Variants in CTNNA3 observed in about 807,000 individuals in gnomAD.
The protein encoded by CTNNA3 is catenin alpha 3.
In CTNNA3, 76 loss-of-function variants were observed where a neutral mutation model predicts 95.7. That is an observed-to-expected ratio of 0.79 (90% CI 0.66 to 0.96). The LOEUF is 0.96. Among genes scored for constraint, CTNNA3 ranks in the 40% least tolerant of loss-of-function variants. The pLI, the probability that CTNNA3 is intolerant of heterozygous loss-of-function variation, is 0.00. For missense variants in CTNNA3, 1,191 were observed against 1,089.8 expected, an observed-to-expected ratio of 1.09 and a Z score of -1.31; for synonymous variants, 431 against 374.4, an observed-to-expected ratio of 1.15 and a Z score of -1.74.
chr10:67,728,579 A>G (rs961497591), intron 1 of CTNNA3, among the ~76,000 whole-genome samples: 2 of 151,672 alleles, frequency 1.3e-5, no homozygotes, highest in African/African-American at 4.8e-5. Context: ...GGTGATGTCA[A>G]TGCTGCTGGT....
At chr10:67,599,312 A>G (rs978289666) in intron 3 of CTNNA3, among the ~76,000 whole-genome samples, 1 of 152,210 alleles carries the variant, frequency 6.6e-6, no homozygotes, top group African/African-American at 2.4e-5. Context: ...CAAGAATCCA[A>G]AATACTTATA....
At chr10:66,981,193 C>G (rs1291246643) in intron 7 of CTNNA3, among the ~76,000 whole-genome samples, 1 of 152,160 alleles carries the variant, frequency 6.6e-6, no homozygotes, top group Admixed American at 6.5e-5. Flanking sequence ...CGTGAGCCAC[C>G]GCGCCCAGCC....
At chr10:66,520,902 C>A in intron 10 of CTNNA3, 129 bp from the exon 11 acceptor site, 3 of 383,888 alleles carry the variant, frequency 7.8e-6, no homozygotes, top group Non-Finnish European at 4.6e-6. Context: ...ACTTATAATT[C>A]CTAAATATAT....
At chr10:66,200,956 T>C (rs1482887061) in intron 13 of CTNNA3, among the ~76,000 whole-genome samples, 5 of 152,172 alleles carry the variant, frequency 3.3e-5, no homozygotes, top group Non-Finnish European at 7.4e-5. Context: ...CCATTGTTAC[T>C]GACACCATGA....
chr10:67,405,002 C>A (rs1589258608), intron 5 of CTNNA3, among the ~76,000 whole-genome samples: 1 of 152,262 alleles, frequency 6.6e-6, no homozygotes, highest in Non-Finnish European at 1.5e-5. Context: ...TTCAGACAAG[C>A]AAATTCTGAG....
At chr10:66,612,075 A>T (rs1844347925) in intron 10 of CTNNA3, among the ~76,000 whole-genome samples, 1 of 152,078 alleles carries the variant, frequency 6.6e-6, no homozygotes, top group South Asian at 2.1e-4. Flanking sequence ...CTTCTAATAT[A>T]ACCACTATTT....
chr10:67,708,260 CT>C (rs1298188927), intron 1 of CTNNA3, among the ~76,000 whole-genome samples: 1 of 152,140 alleles, frequency 6.6e-6, no homozygotes, highest in Non-Finnish European at 1.5e-5. Context: ...TCAATCATGT[CT>C]GCTTTAGTTC....
At chr10:67,736,116 A>G (rs12254422) in intron 1 of CTNNA3, among the ~76,000 whole-genome samples, 18,619 of 152,256 alleles carry the variant, frequency 0.12, 1,275 homozygotes, top group Non-Finnish European at 0.16. Context: ...TAGCCAAAAA[A>G]AGAATTAAAT....
intron 7 of CTNNA3, among the ~76,000 whole-genome samples, chr10:66,888,465 G>T (rs189035241): frequency 9.9e-5 from 15 of 152,074 alleles, no homozygotes; most frequent in Admixed American, 9.2e-4. Flanking sequence ...GTGGTAATTT[G>T]TTATAGCAAC....
intron 9 of CTNNA3, among the ~76,000 whole-genome samples, chr10:66,681,255 C>T (rs1847058227): frequency 6.6e-6 from 1 of 152,154 alleles, no homozygotes; most frequent in African/African-American, 2.4e-5. Flanking sequence ...GGAGTGACTG[C>T]ATATTACCCT....
chr10:67,626,787 ATG>A (rs1031869964), intron 2 of CTNNA3, among the ~76,000 whole-genome samples: 2 of 146,986 alleles, frequency 1.4e-5, no homozygotes, highest in South Asian at 2.1e-4. Flanking sequence ...GTCTACATGT[ATG>A]TGTCTATACA....
chr10:66,027,384 C>A (rs560615969), intron 15 of CTNNA3, among the ~76,000 whole-genome samples: 36 of 152,110 alleles, frequency 2.4e-4, no homozygotes, highest in African/African-American at 8.0e-4. Context: ...AACACTAGGT[C>A]CAAAATGAAG....
chr10:67,167,207 A>C (rs1861809380), intron 7 of CTNNA3, among the ~76,000 whole-genome samples: 2 of 152,218 alleles, frequency 1.3e-5, no homozygotes, highest in Admixed American at 1.3e-4. Context: ...GTCTCTGAGC[A>C]GCTGCAGTCA....
At chr10:66,949,513 G>A (rs749771390) in intron 7 of CTNNA3, among the ~76,000 whole-genome samples, 4 of 151,516 alleles carry the variant, frequency 2.6e-5, no homozygotes, top group African/African-American at 7.3e-5. Flanking sequence ...AGCCAAGATC[G>A]CGCCATTGGA....
chr10:66,809,601 A>G (rs1841794707), intron 7 of CTNNA3, among the ~76,000 whole-genome samples: 1 of 152,136 alleles, frequency 6.6e-6, no homozygotes, highest in South Asian at 2.1e-4. Flanking sequence ...CCATTTACTT[A>G]AGTGATTCAC....
chr10:66,971,000 C>A lies in CTNNA3; in HGVS notation c.1048-195476G>T, dbSNP rs78433839. Among the ~76,000 whole-genome samples the A allele has an allele frequency of 6.9e-3, 1,053 of 152,210 alleles. 15 individuals are homozygous for A. Among genetic ancestry groups the A allele is most frequent in the African/African-American group, 0.021 (875 of 41,498 alleles). On this transcript the variant is annotated intron_variant, in intron 7 of 17. Transcript: ENST00000433211. ...TTTTCTTTCCTTTCTTCTTTTCATGCAAGTTTATTTGCCTTTCTATGAGTA... is the reference window on the plus strand; with the variant it reads ...TTTTCTTTCCTTTCTTCTTTTCATGAAAGTTTATTTGCCTTTCTATGAGTA...
intron 15 of CTNNA3, among the ~76,000 whole-genome samples, chr10:66,060,130 C>A (rs1377507316): frequency 6.6e-6 from 1 of 151,888 alleles, no homozygotes; most frequent in Non-Finnish European, 1.5e-5. Context: ...ATACCTAGAG[C>A]CTGTCTTCTG....
chr10:66,953,053 A>T (rs1848620935), intron 7 of CTNNA3, among the ~76,000 whole-genome samples: 1 of 152,114 alleles, frequency 6.6e-6, no homozygotes. Flanking sequence ...GAGCCTACTG[A>T]GAAACAACTC....
rs1589409415 is a variant in CTNNA3 at position 67,544,749 on chromosome 10, G to C, written c.293-5080C>G. ...AGACTGGAAAACTTCATAACTCATG[G>C]GACATTGGATAGAATACAAAGAAGA... On this transcript the variant is annotated intron_variant, in intron 3 of 17. Transcript: ENST00000433211. 2.0e-5 allele frequency among the ~76,000 whole-genome samples: 3 copies of C among 152,242 alleles called. 1 individual carries two copies. In the South Asian group the frequency reaches 6.2e-4, roughly 32 times the overall value.
Sources: gnomAD v4.1 joint callset for allele counts (sites outside exome capture counted in the v4.1 genomes callset) on GRCh38, gnomAD v4.1.1 for gene constraint, MANE v1.5 for transcripts, NCBI Gene and HGNC (gene_info 2026-07-23, HGNC 2026-07-21) for gene names.